Variants in COL22A1 observed in about 807,000 individuals in gnomAD.
COL22A1 encodes collagen type XXII alpha 1 chain.
In COL22A1, 221 loss-of-function variants were observed where a neutral mutation model predicts 248.9. The ratio of observed to expected loss-of-function variants is 0.89; its 90% CI spans 0.80 to 0.99. COL22A1 has a LOEUF of 0.99. Ranked by LOEUF, COL22A1 falls within the 50% of genes least tolerant of loss-of-function variation. COL22A1 has a pLI of 0.00. For missense variants in COL22A1, 2,240 were observed against 2,179.0 expected (o/e 1.03, Z -0.56); for synonymous variants, 891 against 793.4 (o/e 1.12, Z -2.07).
chr8:138,634,805 G>T (rs548072850), intron 49 of COL22A1, among the ~76,000 whole-genome samples: 2 of 152,248 alleles, frequency 1.3e-5, no homozygotes, highest in Admixed American at 1.3e-4. Flanking sequence ...TAATTGCATG[G>T]TCCATCAAGC....
At chr8:138,779,237 T>C (rs749510265) in intron 14 of COL22A1, among the ~76,000 whole-genome samples, 1 of 152,186 alleles carries the variant, frequency 6.6e-6, no homozygotes, top group East Asian at 1.9e-4. Flanking sequence ...TTCTATGCAT[T>C]GATTAAGAGA....
intron 22 of COL22A1, among the ~76,000 whole-genome samples, chr8:138,741,439 T>C (rs563871075): frequency 6.6e-6 from 1 of 152,328 alleles, no homozygotes; most frequent in East Asian, 1.9e-4. Flanking sequence ...CTAAGGTACA[T>C]TGGAAGGATA....
chr8:138,646,562 T>C, intron 47 of COL22A1, 67 bp downstream of exon 47: 1 of 1,279,680 alleles, frequency 7.8e-7, no homozygotes. Flanking sequence ...CACTCTTCCT[T>C]AAATTGAGAT....
chr8:138,761,085 T>C (rs1373407693), intron 17 of COL22A1, among the ~76,000 whole-genome samples: 1 of 152,214 alleles, frequency 6.6e-6, no homozygotes, highest in Non-Finnish European at 1.5e-5. Context: ...CTCTGTACTC[T>C]GAACAGCAAA....
chr8:138,774,149 G>T (rs980766891), intron 16 of COL22A1, among the ~76,000 whole-genome samples: 1 of 151,974 alleles, frequency 6.6e-6, no homozygotes. Flanking sequence ...AACGGTAAGG[G>T]TTTTGCTTAT....
intron 27 of COL22A1, among the ~76,000 whole-genome samples, 181 bp downstream of exon 27, chr8:138,720,558 C>T (rs1350870800): frequency 1.3e-5 from 2 of 152,070 alleles, no homozygotes; most frequent in Non-Finnish European, 2.9e-5. Context: ...TTGTTGCCAG[C>T]CTCATGTTGT....
At chr8:138,703,191 G>T in intron 31 of COL22A1, 115 bp downstream of exon 31, 1 of 926,732 alleles carries the variant, frequency 1.1e-6, no homozygotes, top group Non-Finnish European at 1.8e-6. Context: ...CCTAGCTATT[G>T]GCAAACTCCA....
chr8:138,688,918 T>C lies in COL22A1; in HGVS notation c.2861A>G (p.Lys954Arg). ...GCTGAGAGATCATATTGGTCTTACC[T>C]TCTCACCACGCTCCCCATCTTTCCC... Reference protein sequence around the residue: ...TPGKDGERGEKGAAGEEGSPG... With the variant: ...TPGKDGERGERGAAGEEGSPG... The change falls in exon 37 of 65, where the codon AAG (lysine) becomes AGG (arginine). Residue 954 changes from lysine (K) to arginine (R), a missense_variant and splice_region_variant. Lys to Arg is a conservative substitution (Grantham distance 26). Coordinates refer to ENST00000303045, the MANE Select transcript of COL22A1 (RefSeq NM_152888.3). 6.2e-7 allele frequency: 1 copy of C among 1,612,648 alleles called. No homozygotes were observed. The highest frequency in any genetic ancestry group is 8.5e-7 in the Non-Finnish European group (1 of 1,178,682).
chr8:138,764,344 C>T (rs1320067623), intron 16 of COL22A1, among the ~76,000 whole-genome samples: 6 of 152,208 alleles, frequency 3.9e-5, no homozygotes, highest in Non-Finnish European at 5.9e-5. Flanking sequence ...GTGGGTCTCT[C>T]CTTTCATCTG....
At chr8:138,650,473 CT>C (rs1387383414) in intron 45 of COL22A1, among the ~76,000 whole-genome samples, 1 of 152,144 alleles carries the variant, frequency 6.6e-6, no homozygotes, top group Non-Finnish European at 1.5e-5. Context: ...TTAGTTGGAT[CT>C]TACAGTTTGG....
At chr8:138,646,755 G>T in intron 46 of COL22A1, 73 bp from the exon 47 acceptor site, 1 of 1,109,234 alleles carries the variant, frequency 9.0e-7, no homozygotes, top group Non-Finnish European at 1.3e-6. Flanking sequence ...TCATCACCAT[G>T]CCATCAGCCT....
At chr8:138,852,414 T>C (rs1330544579) in intron 3 of COL22A1, among the ~76,000 whole-genome samples, 4 of 152,124 alleles carry the variant, frequency 2.6e-5, no homozygotes, top group African/African-American at 9.7e-5. Flanking sequence ...AGAAAGTGAA[T>C]GCTCTGCCCT....
chr8:138,848,397 G>C (rs996674198), intron 3 of COL22A1, among the ~76,000 whole-genome samples: 4 of 152,132 alleles, frequency 2.6e-5, no homozygotes, highest in Admixed American at 1.3e-4. Context: ...TGCTCTAAGG[G>C]AAAACACCAC....
intron 45 of COL22A1, among the ~76,000 whole-genome samples, chr8:138,652,734 G>GTTTTTTT (rs1564146836): frequency 2.2e-4 from 10 of 45,910 alleles, no homozygotes; most frequent in Admixed American, 5.2e-4. Flanking sequence ...TTCCTTTTCT[G>GTTTTTTT]GTTTTTTTTT....
At chr8:138,829,410 T>G (rs551105846) in intron 5 of COL22A1, among the ~76,000 whole-genome samples, 9 of 138,248 alleles carry the variant, frequency 6.5e-5, no homozygotes, top group South Asian at 2.5e-4. Flanking sequence ...CCTGTTTTTT[T>G]TTTTTTTTTT....
At chr8:138,805,029 T>C (rs917314689) in intron 10 of COL22A1, among the ~76,000 whole-genome samples, 1 of 53,662 alleles carries the variant, frequency 1.9e-5, no homozygotes, top group Non-Finnish European at 3.5e-5. Flanking sequence ...GTGTGTGTGA[T>C]AGTGTGTGTG....
intron 30 of COL22A1, among the ~76,000 whole-genome samples, chr8:138,705,763 T>A (rs1406750330): frequency 1.3e-5 from 2 of 152,062 alleles, no homozygotes; most frequent in Non-Finnish European, 2.9e-5. Flanking sequence ...AATGACAGGA[T>A]CAAATTCACA....
At chr8:138,872,525 G>A (rs774155416) in intron 3 of COL22A1, among the ~76,000 whole-genome samples, 4 of 152,178 alleles carry the variant, frequency 2.6e-5, no homozygotes, top group Non-Finnish European at 5.9e-5. Flanking sequence ...CATTCCACAG[G>A]CTCACTTACA....
chr8:138,617,654 C>T (rs137923388), intron 53 of COL22A1, among the ~76,000 whole-genome samples: 26 of 152,314 alleles, frequency 1.7e-4, no homozygotes, highest in Admixed American at 5.9e-4. Context: ...AACAAAAATG[C>T]CCGCCTGGCA....
Sources: gnomAD v4.1 joint callset for allele counts (sites outside exome capture counted in the v4.1 genomes callset) on GRCh38, gnomAD v4.1.1 for gene constraint, MANE v1.5 for transcripts, NCBI Gene and HGNC (gene_info 2026-07-23, HGNC 2026-07-21) for gene names.